Variants in SGIP1 observed in about 807,000 individuals in gnomAD.
The protein encoded by SGIP1 is SH3-containing GRB2-like protein 3-interacting protein 1.
SGIP1 carries 38 observed loss-of-function variants against 107.5 expected under a neutral mutation model. That is an observed-to-expected ratio of 0.35 (90% CI 0.27 to 0.46). The LOEUF is 0.46. SGIP1 is among the 20% of genes least tolerant of loss of function. SGIP1 has a pLI of 1.00. For synonymous variants in SGIP1, 365 were observed against 366.1 expected, an observed-to-expected ratio of 1.00 and a Z score of 0.03; for missense variants, 929 against 1,019.5, an observed-to-expected ratio of 0.91 and a Z score of 1.21.
chr1:66,557,568 G>A (rs1275592445), intron 1 of SGIP1, among the ~76,000 whole-genome samples: 3 of 152,070 alleles, frequency 2.0e-5, no homozygotes, highest in Non-Finnish European at 2.9e-5. Flanking sequence ...ACACATCAGG[G>A]AACTGGGTCA....
chr1:66,613,740 C>T (rs2068560549), intron 1 of SGIP1, among the ~76,000 whole-genome samples: 1 of 152,186 alleles, frequency 6.6e-6, no homozygotes, highest in South Asian at 2.1e-4. Flanking sequence ...TGCATATACG[C>T]ACCTTTGATA....
intron 1 of SGIP1, among the ~76,000 whole-genome samples, chr1:66,557,200 T>C (rs969132184): frequency 3.9e-5 from 6 of 152,126 alleles, no homozygotes; most frequent in Non-Finnish European, 7.4e-5. Context: ...TAGGGATTCT[T>C]GTCCAATGTC....
At chr1:66,680,100 T>C (rs1270223092) in intron 14 of SGIP1, among the ~76,000 whole-genome samples, 1 of 152,240 alleles carries the variant, frequency 6.6e-6, no homozygotes, top group African/African-American at 2.4e-5. Flanking sequence ...TACAAATTCA[T>C]AGTCTCAAAG....
At chr1:66,713,628 A>C (rs1238162409) in intron 18 of SGIP1, among the ~76,000 whole-genome samples, 1 of 152,104 alleles carries the variant, frequency 6.6e-6, no homozygotes, top group East Asian at 1.9e-4. Context: ...TGTAGTTAAT[A>C]TTATAATCCC....
intron 21 of SGIP1, among the ~76,000 whole-genome samples, chr1:66,737,891 T>C (rs693956): frequency 0.68 from 103,267 of 151,944 alleles, 35,984 homozygotes; most frequent in African/African-American, 0.75. Context: ...GCCCTTAAAT[T>C]GCAGCATGTT....
chr1:66,689,118 C>T (rs756736261), intron 15 of SGIP1, 30 bp from the exon 16 acceptor site: 6 of 1,602,448 alleles, frequency 3.7e-6, no homozygotes, highest in Non-Finnish European at 5.1e-6. Context: ...CCTGTGTTTC[C>T]AGCCATTTTA....
chr1:66,592,897 C>CTTTTTTTTTTTTTTTTTTTTTTT (rs35762612), intron 1 of SGIP1, among the ~76,000 whole-genome samples: 4 of 56,352 alleles, frequency 7.1e-5, no homozygotes, highest in African/African-American at 1.7e-4. Context: ...TCTTCTTCTT[C>CTTTTTTTTTTTTTTTTTTTTTTT]TTTTTTTTTT....
rs75206942 is a variant in SGIP1 at position 66,690,154 on chromosome 1, G to A, written c.1444-36G>A. The A allele has an allele frequency of 1.1e-3, 1,739 of 1,608,668 alleles. 22 individuals are homozygous for A. In the African/African-American group the frequency reaches 0.019, roughly 17 times the overall value. Reference sequence around the variant, plus strand: ...ATGGAGCAAAAATACTGCAACCTGTGTATCTAACTTTTCATCTCTTTTCTT... The same window carrying A: ...ATGGAGCAAAAATACTGCAACCTGTATATCTAACTTTTCATCTCTTTTCTT... On this transcript the variant is annotated intron_variant, in intron 16 of 24. Coordinates refer to ENST00000371037, the MANE Select transcript of SGIP1 (RefSeq NM_032291.4).
At chr1:66,589,922 G>C (rs1031340253) in intron 1 of SGIP1, among the ~76,000 whole-genome samples, 1 of 152,010 alleles carries the variant, frequency 6.6e-6, no homozygotes, top group Admixed American at 6.6e-5. Flanking sequence ...TTTATAGACA[G>C]TGACACACAA....
At chr1:66,612,769 A>T (rs1187681458) in intron 1 of SGIP1, among the ~76,000 whole-genome samples, 2 of 152,180 alleles carry the variant, frequency 1.3e-5, no homozygotes, top group Non-Finnish European at 2.9e-5. Context: ...ATGTAACAAA[A>T]CTCTGTGAGG....
chr1:66,556,290 C>T (rs1168677109), intron 1 of SGIP1, among the ~76,000 whole-genome samples: 1 of 152,090 alleles, frequency 6.6e-6, no homozygotes. Context: ...CTGGAGCTCT[C>T]CTTTTTTCCT....
intron 17 of SGIP1, among the ~76,000 whole-genome samples, chr1:66,692,325 A>G (rs1305708334): frequency 6.6e-6 from 1 of 152,158 alleles, no homozygotes; most frequent in African/African-American, 2.4e-5. Context: ...ATTAAAAAAA[A>G]AATAGCCACA....
chr1:66,679,257 C>T (rs1041359354), intron 13 of SGIP1, among the ~76,000 whole-genome samples: 5 of 152,172 alleles, frequency 3.3e-5, no homozygotes, highest in African/African-American at 1.2e-4. Flanking sequence ...CTGTGATTTC[C>T]GTTATCAAAC....
intron 20 of SGIP1, among the ~76,000 whole-genome samples, chr1:66,731,640 C>A (rs965155550): frequency 6.6e-6 from 1 of 152,092 alleles, no homozygotes; most frequent in African/African-American, 2.4e-5. Context: ...TCTATAGACT[C>A]TTTAGTTTCG....
At chr1:66,648,917 A>C (rs925186626) in intron 7 of SGIP1, among the ~76,000 whole-genome samples, 1 of 152,188 alleles carries the variant, frequency 6.6e-6, no homozygotes. Context: ...ACTGTAAAGG[A>C]AGGATGATAA....
intron 15 of SGIP1, among the ~76,000 whole-genome samples, chr1:66,686,879 G>T (rs918454393): frequency 1.3e-5 from 2 of 152,034 alleles, no homozygotes; most frequent in African/African-American, 4.8e-5. Flanking sequence ...CATCATCACG[G>T]GTATCTACTA....
intron 1 of SGIP1, among the ~76,000 whole-genome samples, chr1:66,588,998 A>C (rs868417732): frequency 6.5e-5 from 9 of 137,820 alleles, no homozygotes; most frequent in Middle Eastern, 3.6e-3. Context: ...GCAAAAACAG[A>C]ACTCTTATTC....
In SGIP1 at chr1:66,741,434, C is replaced by G. The variant is rs377727188; in HGVS notation, c.2462C>G (p.Ala821Gly). The G allele has an allele frequency of 3.2e-6, 5 of 1,563,722 alleles. No individual in the cohort carries two copies. The highest frequency in any genetic ancestry group is 1.4e-5 in the African/African-American group (1 of 72,762). ...TCACTCATCAAGAAAAGGTTTGCTG[C>G]AGGTAAATGAGTATCTTGATTTTTT... ...RFSLIKKRFA[A>G]GKYLADN Residue 821 changes from alanine to glycine, a missense_variant and splice_region_variant, in exon 24 of 25, where the codon GCA (alanine) becomes GGA (glycine). Around this residue, in one of 2 missense-constraint regions of SGIP1, gnomAD observed 341 missense variants for 430.9 expected, o/e 0.79. Coordinates refer to ENST00000371037, the MANE Select transcript of SGIP1 (RefSeq NM_032291.4).
chr1:66,729,188 T>C lies in SGIP1; in HGVS notation c.1743-76T>C. On this transcript the variant is annotated intron_variant, in intron 19 of 24. Coordinates refer to ENST00000371037, the MANE Select transcript of SGIP1 (RefSeq NM_032291.4). Reference sequence around the variant, plus strand: ...CTATTTAACATTGCCTCATAAATTGTTTTTCACAGCAGTTTTGATTCAGTG... The same window carrying C: ...CTATTTAACATTGCCTCATAAATTGCTTTTCACAGCAGTTTTGATTCAGTG... 4.5e-6 allele frequency: 7 copies of C among 1,542,134 alleles called. No individual in the cohort carries two copies. In the South Asian group the frequency reaches 5.9e-5, roughly 13 times the overall value.
Sources: allele counts gnomAD v4.1 joint callset (sites outside exome capture counted in the v4.1 genomes callset), GRCh38; gene constraint gnomAD v4.1.1; regional missense constraint gnomAD v4.1.1; transcripts MANE v1.5; gene names NCBI Gene and HGNC (gene_info 2026-07-23, HGNC 2026-07-21).